The following MUC12 variants were observed in gnomAD, a reference collection of about 807,000 sequenced individuals.
MUC12 encodes mucin-12.
A neutral mutation model predicts 230.8 loss-of-function variants in MUC12; 172 were observed. The ratio of observed to expected loss-of-function variants is 0.75; its 90% CI spans 0.66 to 0.85. The LOEUF is 0.85. Ranked by LOEUF, MUC12 falls within the 40% of genes least tolerant of loss-of-function variation. MUC12 has a pLI of 0.00. For missense variants in MUC12, 3,506 were observed against 5,920.6 expected (o/e 0.59, Z 13.38); for synonymous variants, 1,259 against 2,401.9 (o/e 0.52, Z 13.91).
chr7:100,970,985 A>T (rs973539580), intron 1 of MUC12, among the ~76,000 whole-genome samples: 1 of 149,028 alleles, frequency 6.7e-6, no homozygotes, highest in Non-Finnish European at 1.5e-5. Flanking sequence ...CGACAGCGAG[A>T]CTCCGTCTCA....
intron 11 of MUC12, 98 bp from the exon 12 acceptor site, chr7:101,018,497 G>A: frequency 2.3e-6 from 2 of 858,566 alleles, no homozygotes; most frequent in Non-Finnish European, 3.2e-6. Context: ...CCCTCCCCCT[G>A]GGGTTCCCTC....
At position 101,005,075 on chromosome 7, in the gene MUC12, C is replaced by A. The variant is rs895140057; in HGVS notation, c.14512C>A (p.Pro4838Thr). The change falls in exon 2 of 12, where the codon CCT (proline) becomes ACT (threonine). Residue 4838 changes from proline to threonine, a missense_variant. Pro to Thr is a conservative substitution (Grantham distance 38). Coordinates refer to ENST00000536621, the MANE Select transcript of MUC12 (RefSeq NM_001164462.2). Reference protein sequence around the residue: ...QPGSALSTVSPASTTVPGLSE... With the variant: ...QPGSALSTVSTASTTVPGLSE... ...AGGCTCAGCTCTGTCAACAGTGTCACCTGCCAGCACCACAGTGCCAGGCCT... is the reference window on the plus strand; with the variant it reads ...AGGCTCAGCTCTGTCAACAGTGTCAACTGCCAGCACCACAGTGCCAGGCCT... 1 of 1,537,948 alleles carries A rather than the reference C, an allele frequency of 6.5e-7. No individual in the cohort carries two copies. The highest frequency in any genetic ancestry group is 8.7e-7 in the Non-Finnish European group (1 of 1,147,060).
At chr7:100,980,164 C>A (rs1793084708) in intron 1 of MUC12, among the ~76,000 whole-genome samples, 1 of 152,122 alleles carries the variant, frequency 6.6e-6, no homozygotes, top group African/African-American at 2.4e-5. Flanking sequence ...CTGCCTCAGC[C>A]TCCCGAGTAG....
chr7:100,980,462 T>C (rs1793089493), intron 1 of MUC12, among the ~76,000 whole-genome samples: 1 of 152,240 alleles, frequency 6.6e-6, no homozygotes, highest in Non-Finnish European at 1.5e-5. Flanking sequence ...TTCTGTTCTA[T>C]GGAACACCAC....
intron 3 of MUC12, 79 bp from the exon 4 acceptor site, chr7:101,008,554 CA>C: frequency 1.4e-6 from 2 of 1,462,312 alleles, no homozygotes; most frequent in African/African-American, 2.8e-5. Flanking sequence ...TCAAGACACC[CA>C]CAGGCAGAGA....
Position 100,992,355 on chromosome 7 carries a change from G to C in MUC12, c.1792G>C (p.Ala598Pro). ...AACACTCTTACCTGACAACACCACA[G>C]CCTCAGGACTCCTTGAAGCATCTAT... ...ETTLLPDNTT[A>P]SGLLEASMPV... The change falls in exon 2 of 12, where the codon GCC (alanine) becomes CCC (proline). Residue 598 changes from alanine to proline, a missense_variant. Coordinates refer to ENST00000536621, the MANE Select transcript of MUC12 (RefSeq NM_001164462.2). 1.3e-6 allele frequency: 2 copies of C among 1,536,514 alleles called. No individual in the cohort carries two copies. Among genetic ancestry groups the C allele is most frequent in the South Asian group, 1.2e-5 (1 of 83,988 alleles).
At chr7:100,984,360 G>A (rs1033367392) in intron 1 of MUC12, among the ~76,000 whole-genome samples, 2 of 151,462 alleles carry the variant, frequency 1.3e-5, no homozygotes, top group South Asian at 2.1e-4. Flanking sequence ...GGGTTCAGGC[G>A]ATTCTCCTGC....
chr7:101,018,767 G>A lies in MUC12; in HGVS notation c.*131G>A. The A allele has an allele frequency of 1.1e-6, 1 of 933,704 alleles. No individual in the cohort carries two copies. Among genetic ancestry groups the A allele is most frequent in the Non-Finnish European group, 1.5e-6 (1 of 651,036 alleles). 57.8% of individuals were successfully genotyped at this position (933,704 alleles called of 1,614,324 possible). On this transcript the variant is annotated 3_prime_UTR_variant, in exon 12 of 12. Coordinates refer to ENST00000536621, the MANE Select transcript of MUC12 (RefSeq NM_001164462.2). ...CCTGAAGCCGGTCCTGCTCTGAGCTGACAGACTTGGCCAGTCCCCTGCCTG... is the reference window on the plus strand; with the variant it reads ...CCTGAAGCCGGTCCTGCTCTGAGCTAACAGACTTGGCCAGTCCCCTGCCTG...
At chr7:100,987,692 G>T (rs1347726918) in intron 1 of MUC12, among the ~76,000 whole-genome samples, 1 of 152,162 alleles carries the variant, frequency 6.6e-6, no homozygotes, top group African/African-American at 2.4e-5. Flanking sequence ...AAGTGTGTGG[G>T]CCAGGCGCGG....
intron 1 of MUC12, among the ~76,000 whole-genome samples, chr7:100,970,381 G>T (rs1792847372): frequency 6.6e-6 from 1 of 151,838 alleles, no homozygotes; most frequent in African/African-American, 2.4e-5. Flanking sequence ...CAGCTACTTG[G>T]GAGGCTGAGG....
chr7:100,977,513 G>A (rs901023316), intron 1 of MUC12, among the ~76,000 whole-genome samples: 6 of 151,728 alleles, frequency 4.0e-5, no homozygotes, highest in African/African-American at 1.5e-4. Context: ...TTACAGGCAC[G>A]CGCCACCACG....
rs73168377 is a variant in MUC12 at position 100,991,601 on chromosome 7, T to G, written c.1038T>G (p.Pro346=). The G allele has an allele frequency of 3.6e-5, 56 of 1,536,944 alleles. No homozygotes were observed. Among genetic ancestry groups the G allele is most frequent in the Non-Finnish European group, 4.7e-5 (54 of 1,146,378 alleles). Residue 346 remains proline, a synonymous_variant, in exon 2 of 12, where the codon CCT becomes CCG. Transcript: ENST00000536621. ...SPVATATTPP[P]ARSATSGHVE... The stretch of plus-strand genomic sequence containing the variant: ...TTGCAACTGCAACAACACCCCCACC[T>G]GCCCGCTCCGCGACCTCAGGCCATG...
chr7:101,005,800 ATT>A (rs58353499), intron 2 of MUC12, among the ~76,000 whole-genome samples: 38,221 of 146,414 alleles, frequency 0.26, 5,262 homozygotes, highest in Admixed American at 0.39. Context: ...TCTTCTCTGG[ATT>A]TTTTTTTTTT....
At chr7:101,016,410 G>A (rs1159031983) in intron 10 of MUC12, among the ~76,000 whole-genome samples, 4 of 152,038 alleles carry the variant, frequency 2.6e-5, no homozygotes, top group African/African-American at 9.7e-5. Flanking sequence ...AGGTTCAAGC[G>A]ATTCTCCTGC....
chr7:101,014,328 A>G, intron 9 of MUC12: 1 of 374,900 alleles, frequency 2.7e-6, no homozygotes, highest in Non-Finnish European at 4.8e-6. Context: ...GGTAATTGAT[A>G]AACAATAGAA....
chr7:100,991,380 G>A lies in MUC12; in HGVS notation c.817G>A (p.Gly273Arg), dbSNP rs1478386288. The part of the protein sequence containing the change: ...LSPSSSTTHE[G>R]EPTTFQSWPS... ...CCCTTCCAGCTCTACAACCCATGAG[G>A]GAGAACCTACCACCTTCCAGAGCTG... The change falls in exon 2 of 12, where the codon GGA becomes AGA. Residue 273 changes from glycine (G) to arginine (R), a missense_variant. By Grantham distance (125) the Gly-to-Arg change is moderately radical. Transcript: ENST00000536621. 9 of 1,537,756 alleles carry A rather than the reference G, an allele frequency of 5.9e-6. No homozygotes were observed. Among genetic ancestry groups the A allele is most frequent in the East Asian group, 2.4e-5 (1 of 40,904 alleles).
At position 100,995,553 on chromosome 7, in the gene MUC12, C is replaced by CA. The variant is rs1562785908; in HGVS notation, c.4991dup (p.His1664GlnfsTer48). 1 of 1,536,642 alleles carries CA rather than the reference C, an allele frequency of 6.5e-7. No homozygotes were observed. The highest frequency in any genetic ancestry group is 1.2e-5 in the South Asian group (1 of 84,030). On this transcript the variant is annotated frameshift_variant, in exon 2 of 12. Coordinates refer to ENST00000536621, the MANE Select transcript of MUC12 (RefSeq NM_001164462.2). LOFTEE classifies it high-confidence loss of function. ...CCTCCTTGAAGCATCTACGCCCGTC[C>CA]ACAGCAGCACTGGATCGCCACACAC...
At chr7:100,981,314 T>C in intron 1 of MUC12, 1 of 514,008 alleles carries the variant, frequency 1.9e-6, no homozygotes, top group Non-Finnish European at 3.5e-6. Context: ...GAATCCCAGG[T>C]TGGGAGGGGT....
Position 100,991,970 on chromosome 7 carries a change from C to G in MUC12, c.1407C>G (p.Pro469=). The change falls in exon 2 of 12, where the codon CCC becomes CCG. Residue 469 remains proline (P), a synonymous_variant. Transcript: ENST00000536621. ...TTGTTGGAGACTCGACGCCCTCACC[C>G]ATCAGTTCAGGCTCAATGGAAACCA... ...SVLVGDSTPS[P]ISSGSMETTA... 1 of 1,537,962 alleles carries G rather than the reference C, an allele frequency of 6.5e-7. No homozygotes were observed. The highest frequency in any genetic ancestry group is 8.7e-7 in the Non-Finnish European group (1 of 1,147,084).
Sources: gnomAD v4.1 joint callset for allele counts (sites outside exome capture counted in the v4.1 genomes callset) on GRCh38, gnomAD v4.1.1 for gene constraint, MANE v1.5 for transcripts, NCBI Gene and HGNC (gene_info 2026-07-23, HGNC 2026-07-21) for gene names.